The following NRP1 variants were observed in gnomAD, a reference collection of about 807,000 sequenced individuals.
NRP1 encodes the protein neuropilin-1.
Under a neutral mutation model 106.7 loss-of-function variants are expected in NRP1, and 35 were observed. The observed-to-expected ratio is 0.33, with a 90% CI of 0.25 to 0.43. NRP1 has a LOEUF of 0.43. Among genes scored for constraint, NRP1 ranks in the 20% least tolerant of loss-of-function variants. NRP1 has a pLI of 1.00. For synonymous variants in NRP1, 437 were observed against 417.9 expected (o/e 1.05, Z -0.56); for missense variants, 1,024 against 1,170.4 (o/e 0.87, Z 1.83).
chr10:33,271,781 C>T (rs1843326500), intron 2 of NRP1, among the ~76,000 whole-genome samples: 2 of 152,084 alleles, frequency 1.3e-5, no homozygotes, highest in Non-Finnish European at 2.9e-5. Context: ...CACTAGTGTC[C>T]CCTAGGAAAA....
At chr10:33,294,994 C>T (rs1365086419) in intron 2 of NRP1, among the ~76,000 whole-genome samples, 1 of 152,202 alleles carries the variant, frequency 6.6e-6, no homozygotes, top group Non-Finnish European at 1.5e-5. Flanking sequence ...AAGCATTCTT[C>T]AAGTGCCCCA....
intron 7 of NRP1, among the ~76,000 whole-genome samples, chr10:33,224,318 G>A (rs531468783): frequency 3.9e-4 from 60 of 152,194 alleles, no homozygotes; most frequent in Non-Finnish European, 6.8e-4. Flanking sequence ...GGTGCTCTCC[G>A]ACAGCCCCCC....
At chr10:33,257,100 T>C (rs1232766447) in intron 4 of NRP1, among the ~76,000 whole-genome samples, 1 of 152,204 alleles carries the variant, frequency 6.6e-6, no homozygotes, top group Non-Finnish European at 1.5e-5. Flanking sequence ...ATTGTAACCA[T>C]GTAAAAAGTT....
intron 6 of NRP1, chr10:33,249,627 A>G (rs927475168): frequency 1.5e-5 from 6 of 402,792 alleles, no homozygotes; most frequent in Non-Finnish European, 3.0e-5. Context: ...GACACAGAAT[A>G]AAGAATGGAA....
chr10:33,202,577 TCTGAAAATA>T (rs1837417512), intron 11 of NRP1: 7 of 1,279,330 alleles, frequency 5.5e-6, no homozygotes, highest in Non-Finnish European at 6.1e-6. Flanking sequence ...TGGGGGGGGG[TCTGAAAATA>T]ATGAAAATAA....
chr10:33,275,700 C>T (rs948999405), intron 2 of NRP1, among the ~76,000 whole-genome samples: 10 of 151,612 alleles, frequency 6.6e-5, no homozygotes, highest in Middle Eastern at 3.4e-3. Flanking sequence ...GAGTTTGAGA[C>T]GAGCCTGAGC....
intron 2 of NRP1, among the ~76,000 whole-genome samples, chr10:33,287,565 G>T (rs1482458990): frequency 1.3e-5 from 2 of 152,220 alleles, no homozygotes; most frequent in African/African-American, 4.8e-5. Flanking sequence ...AACAGGTGGT[G>T]TCCTGTTACA....
At chr10:33,246,583 A>C (rs12784815) in intron 6 of NRP1, among the ~76,000 whole-genome samples, 1 of 137,646 alleles carries the variant, frequency 7.3e-6, no homozygotes, top group African/African-American at 2.5e-5. Context: ...AGTTGCAATA[A>C]ACACACACAC....
In NRP1 at chr10:33,187,028, T is replaced by C. The variant is rs368650049; in HGVS notation, c.2063-540A>G. ...CCATGCCACCATGCTCAGCTAGTTCTTAAAAAGATTAATTTTTTTTTTTAA... is the reference window on the plus strand; with the variant it reads ...CCATGCCACCATGCTCAGCTAGTTCCTAAAAAGATTAATTTTTTTTTTTAA... On this transcript the variant is annotated intron_variant, in intron 13 of 16. Coordinates refer to ENST00000374867, the MANE Select transcript of NRP1 (RefSeq NM_003873.7). Among the ~76,000 whole-genome samples, 28 of 151,380 alleles carry C rather than the reference T, an allele frequency of 1.8e-4. No homozygotes were observed. In the East Asian group the frequency reaches 5.2e-3, roughly 28 times the overall value.
chr10:33,219,755 G>A (rs1416978474), intron 8 of NRP1, among the ~76,000 whole-genome samples: 2 of 152,180 alleles, frequency 1.3e-5, no homozygotes, highest in Non-Finnish European at 2.9e-5. Flanking sequence ...AAATCTCTAA[G>A]AGCCTGGAAA....
At chr10:33,234,944 A>C (rs1034236175) in intron 6 of NRP1, among the ~76,000 whole-genome samples, 10 of 152,192 alleles carry the variant, frequency 6.6e-5, no homozygotes, top group Admixed American at 4.6e-4. Context: ...CTGCCACTGC[A>C]GTCACAGCAA....
intron 7 of NRP1, among the ~76,000 whole-genome samples, chr10:33,225,851 C>T (rs531981823): frequency 9.1e-4 from 138 of 152,332 alleles, no homozygotes; most frequent in African/African-American, 3.1e-3. Flanking sequence ...GTTTATCCCA[C>T]GCAGAATCTG....
intron 4 of NRP1, among the ~76,000 whole-genome samples, chr10:33,260,694 G>A (rs1842512227): frequency 6.6e-6 from 1 of 152,142 alleles, no homozygotes; most frequent in South Asian, 2.1e-4. Flanking sequence ...TTCAAACACA[G>A]TGATAGATGG....
Position 33,248,574 on chromosome 10 carries a change from G to A in NRP1, c.981+5454C>T, listed in dbSNP as rs76295759. ...CCTTCAGAGAGAAAATGGGGAAGAC[G>A]TTAATATTATTTGAGAAATACATAT... On this transcript the variant is annotated intron_variant, in intron 6 of 16. Coordinates refer to ENST00000374867, the MANE Select transcript of NRP1 (RefSeq NM_003873.7). Among the ~76,000 whole-genome samples, 739 of 147,248 alleles carry A rather than the reference G, an allele frequency of 5.0e-3. 3 individuals are homozygous for A. Among genetic ancestry groups the A allele is most frequent in the Non-Finnish European group, 8.3e-3 (555 of 66,696 alleles).
intron 7 of NRP1, 70 bp downstream of exon 7, chr10:33,226,064 A>G: frequency 6.5e-7 from 1 of 1,534,962 alleles, no homozygotes. Context: ...AAAGCTACCA[A>G]ACAAACAAGT....
At chr10:33,213,246 G>T (rs1272557951) in intron 9 of NRP1, 140 bp downstream of exon 9, 36 of 1,600,218 alleles carry the variant, frequency 2.2e-5, no homozygotes, top group Non-Finnish European at 2.9e-5. Flanking sequence ...AGAATCAAGG[G>T]TCTTACTGAC....
intron 6 of NRP1, among the ~76,000 whole-genome samples, chr10:33,226,990 G>C (rs1471562401): frequency 6.6e-6 from 1 of 152,150 alleles, no homozygotes. Flanking sequence ...ACAAGCCACT[G>C]CTCACTCATA....
chr10:33,195,626 A>C (rs1366496544), intron 12 of NRP1: 1 of 531,760 alleles, frequency 1.9e-6, no homozygotes, highest in East Asian at 5.5e-5. Flanking sequence ...CCACTGGGTC[A>C]ACTCTTCAGA....
At chr10:33,325,034 G>T (rs899559286) in intron 2 of NRP1, among the ~76,000 whole-genome samples, 8 of 152,196 alleles carry the variant, frequency 5.3e-5, no homozygotes, top group African/African-American at 1.9e-4. Flanking sequence ...TGAGGGCAAA[G>T]GTTGGTGACT....
Sources: allele counts gnomAD v4.1 joint callset (sites outside exome capture counted in the v4.1 genomes callset), GRCh38; gene constraint gnomAD v4.1.1; transcripts MANE v1.5; gene names NCBI Gene and HGNC (gene_info 2026-07-23, HGNC 2026-07-21).